Variants in THBS4 observed in about 807,000 individuals in gnomAD.
The protein encoded by THBS4 is thrombospondin-4.
Under a neutral mutation model 115.7 loss-of-function variants are expected in THBS4, and 90 were observed. The observed-to-expected ratio is 0.78, with a 90% CI of 0.66 to 0.93. THBS4 has a LOEUF of 0.93. Ranked by LOEUF, THBS4 falls within the 40% of genes least tolerant of loss-of-function variation. The pLI is 0.00. For synonymous variants in THBS4, 460 were observed against 479.3 expected (o/e 0.96, Z 0.53); for missense variants, 1,087 against 1,232.7 (o/e 0.88, Z 1.77).
intron 2 of THBS4, among the ~76,000 whole-genome samples, chr5:80,006,447 C>A (rs1372939658): frequency 1.3e-5 from 2 of 152,150 alleles, no homozygotes; most frequent in Non-Finnish European, 2.9e-5. Context: ...CTCCTTTTTG[C>A]CTTCTGCCAT....
At chr5:80,028,705 C>T (rs143969189) in intron 2 of THBS4, among the ~76,000 whole-genome samples, 99 of 152,186 alleles carry the variant, frequency 6.5e-4, no homozygotes, top group African/African-American at 2.2e-3. Flanking sequence ...GTGATCCACC[C>T]ATCTCGGCCT....
intron 2 of THBS4, among the ~76,000 whole-genome samples, chr5:80,047,633 A>ATAT (rs745337878): frequency 1.8e-4 from 18 of 102,436 alleles, no homozygotes; most frequent in Non-Finnish European, 2.9e-4. Flanking sequence ...AAAATTAAGA[A>ATAT]TTTTTTTTTT....
At position 80,040,262 on chromosome 5, in the gene THBS4, A is replaced by G; in HGVS notation, c.274A>G (p.Met92Val). The G allele has an allele frequency of 1.9e-6, 3 of 1,613,626 alleles. No homozygotes were observed. Among genetic ancestry groups the G allele is most frequent in the Non-Finnish European group, 2.5e-6 (3 of 1,179,692 alleles). ...DNSKYFEFTV[M>V]GRLNKAILRY... Reference sequence around the variant, plus strand: ...CAGTAAATATTTTGAATTTACTGTGATGGGACGCTTAAACAAAGGTAAGCA... The same window carrying G: ...CAGTAAATATTTTGAATTTACTGTGGTGGGACGCTTAAACAAAGGTAAGCA... The change falls in exon 2 of 22, where the codon ATG becomes GTG. Residue 92 changes from methionine to valine, a missense_variant. Met to Val is a conservative substitution (Grantham distance 21). Around this residue, in one of 3 missense-constraint regions of THBS4, gnomAD observed 979 missense variants for 1,103.7 expected, o/e 0.89. Transcript: ENST00000350881.
intron 2 of THBS4, among the ~76,000 whole-genome samples, chr5:80,015,541 A>G (rs1832229449): frequency 6.6e-6 from 1 of 152,202 alleles, no homozygotes; most frequent in African/African-American, 2.4e-5. Flanking sequence ...GCCGATCCCT[A>G]TGCCTTTTGG....
Position 80,078,113 on chromosome 5 carries a change from C to A in THBS4, c.2151C>A (p.Asp717Glu). 6.2e-7 allele frequency: 1 copy of A among 1,611,754 alleles called. No individual in the cohort carries two copies. Among genetic ancestry groups the A allele is most frequent in the Non-Finnish European group, 8.5e-7 (1 of 1,178,514 alleles). Residue 717 changes from aspartate (D) to glutamate (E), a missense_variant, in exon 17 of 22, where the codon GAC becomes GAA. Coordinates refer to ENST00000350881, the MANE Select transcript of THBS4 (RefSeq NM_003248.6). ...AGGACCAGGTCATCGATCGGATCGACGTCTGCCCAGAGAACGCAGAGGTCA... is the reference window on the plus strand; with the variant it reads ...AGGACCAGGTCATCGATCGGATCGAAGTCTGCCCAGAGAACGCAGAGGTCA... ...FDQDQVIDRI[D>E]VCPENAEVTL... is the part of the protein sequence containing the mutation.
chr5:80,005,830 G>A (rs1054869589), intron 2 of THBS4, among the ~76,000 whole-genome samples: 15 of 145,784 alleles, frequency 1.0e-4, no homozygotes, highest in Admixed American at 4.2e-4. Context: ...GCAGTGGCGC[G>A]ATCTCGGCTC....
chr5:80,063,980 C>G (rs892062603), intron 8 of THBS4, among the ~76,000 whole-genome samples: 1 of 152,136 alleles, frequency 6.6e-6, no homozygotes, highest in Non-Finnish European at 1.5e-5. Context: ...GTAACAGGGA[C>G]CTGGCTTTTA....
rs147811053 is a variant in THBS4 at position 80,077,187 on chromosome 5, C to T, written c.2086+139C>T. The T allele has an allele frequency of 7.6e-4, 595 of 783,828 alleles. 2 individuals carry two copies. The African/African-American group carries it at 9.2e-3, about 12-fold the overall frequency. 48.6% of individuals were successfully genotyped at this position (783,828 alleles called of 1,614,324 possible). A position where few individuals can be genotyped will look rare whatever the true frequency, so the allele number is the denominator to read the frequency against. On this transcript the variant is annotated intron_variant, in intron 16 of 21. Transcript: ENST00000350881. Reference sequence around the variant, plus strand: ...TGCTTCTCTACACCCAGCTTCTCTGCATAGCTGCAGCTTGTGTGGACAGCA... The same window carrying T: ...TGCTTCTCTACACCCAGCTTCTCTGTATAGCTGCAGCTTGTGTGGACAGCA...
chr5:80,083,263 A>C lies in THBS4; in HGVS notation c.*122A>C. 1.2e-6 allele frequency: 1 copy of C among 867,306 alleles called. No homozygotes were observed. Among genetic ancestry groups the C allele is most frequent in the South Asian group, 1.5e-5 (1 of 66,788 alleles). The allele number at this position is 867,306 out of a possible 1,614,324, so 53.7% of individuals were successfully genotyped here. A position where few individuals can be genotyped will look rare whatever the true frequency, so the allele number is the denominator to read the frequency against. ...AACGTTTTATGTGAATGTGGCAATAAAGGAGAAGAGATCATTTTTAAAAAC... is the reference window on the plus strand; with the variant it reads ...AACGTTTTATGTGAATGTGGCAATACAGGAGAAGAGATCATTTTTAAAAAC... On this transcript the variant is annotated 3_prime_UTR_variant, in exon 22 of 22. Transcript: ENST00000350881.
intron 1 of THBS4, among the ~76,000 whole-genome samples, chr5:80,036,657 AT>A (rs1832728800): frequency 6.6e-6 from 1 of 152,208 alleles, no homozygotes; most frequent in African/African-American, 2.4e-5. Flanking sequence ...GTTAAACAGA[AT>A]TTTTTGTAAA....
At chr5:80,024,671 A>G (rs2151159803) in intron 2 of THBS4, among the ~76,000 whole-genome samples, 1 of 152,314 alleles carries the variant, frequency 6.6e-6, no homozygotes, top group African/African-American at 2.4e-5. Context: ...CATGCTGGTG[A>G]CCACAACCAT....
At chr5:80,058,150 C>T (rs932032835) in intron 3 of THBS4, 56 bp from the exon 4 acceptor site, 3 of 1,359,580 alleles carry the variant, frequency 2.2e-6, no homozygotes, top group African/African-American at 2.9e-5. Context: ...AGTAGGCAAG[C>T]ACATTGGCTT....
chr5:80,059,384 C>T (rs1002212847), intron 5 of THBS4, 56 bp from the exon 6 acceptor site: 1 of 1,527,686 alleles, frequency 6.5e-7, no homozygotes. Context: ...TCTTTCATTC[C>T]TGGATGATAT....
Position 80,073,255 on chromosome 5 carries a change from A to T in THBS4, c.1840-20A>T, listed in dbSNP as rs751829998. ...ACATGCAGGCCCAGGAATAAATAACATGTGCTGTTCTCTTTGCAGTCTGAT... is the reference window on the plus strand; with the variant it reads ...ACATGCAGGCCCAGGAATAAATAACTTGTGCTGTTCTCTTTGCAGTCTGAT... On this transcript the variant is annotated intron_variant, in intron 14 of 21. Coordinates refer to ENST00000350881, the MANE Select transcript of THBS4 (RefSeq NM_003248.6). The T allele has an allele frequency of 1.2e-6, 2 of 1,613,360 alleles. No homozygotes were observed. The highest frequency in any genetic ancestry group is 3.3e-5 in the Admixed American group (2 of 60,028).
intron 2 of THBS4, among the ~76,000 whole-genome samples, chr5:80,018,389 C>CTTTT (rs35373315): frequency 2.6e-4 from 26 of 99,968 alleles, no homozygotes; most frequent in African/African-American, 8.6e-4. Context: ...TTCAAATATA[C>CTTTT]TTTTTTTTTT....
At position 80,008,264 on chromosome 5, in the gene THBS4, A is replaced by T. The variant is rs140214655; in HGVS notation, n.177+9837A>T. 1.6e-4 allele frequency among the ~76,000 whole-genome samples: 25 copies of T among 152,370 alleles called. 1 individual carries two copies. The highest frequency in any genetic ancestry group is 5.5e-4 in the African/African-American group (23 of 41,590). On this transcript the variant is annotated intron_variant and non_coding_transcript_variant, in intron 2 of 3. Coordinates refer to the THBS4 transcript ENST00000510218. ...AGATGTAAATGTGGGTCTACCAGTG[A>T]GAAACTAAGGCAAATGTCTCCATCT...
chr5:80,002,626 GGA>G (rs1162059854), intron 2 of THBS4, among the ~76,000 whole-genome samples: 1 of 151,684 alleles, frequency 6.6e-6, no homozygotes, highest in East Asian at 1.9e-4. Flanking sequence ...CAGAGTGCAG[GGA>G]GAGAGAGCAT....
rs148589675 is a variant in THBS4, at chr5:80,072,328, C to T, written c.1771C>T (p.Arg591Trp). 3.1e-4 allele frequency: 500 copies of T among 1,614,002 alleles called. No individual in the cohort carries two copies. Among genetic ancestry groups the T allele is most frequent in the Non-Finnish European group, 3.7e-4 (432 of 1,180,004 alleles). Reference sequence around the variant, plus strand: ...CCCAAAATTTCCCAATCGTGACCAACGGGACAAGGATGGTGATGGTGTGGG... The same window carrying T: ...CCCAAAATTTCCCAATCGTGACCAATGGGACAAGGATGGTGATGGTGTGGG... The part of the protein sequence containing the change: ...NCPKFPNRDQ[R>W]DKDGDGVGDA... The change falls in exon 14 of 22, where the codon CGG (arginine) becomes TGG (tryptophan). Residue 591 changes from arginine to tryptophan, a missense_variant. Coordinates refer to ENST00000350881, the MANE Select transcript of THBS4 (RefSeq NM_003248.6).
chr5:80,021,565 G>A (rs1832376317), intron 2 of THBS4, among the ~76,000 whole-genome samples: 2 of 151,804 alleles, frequency 1.3e-5, no homozygotes, highest in Admixed American at 1.3e-4. Context: ...GGAGTGTCGT[G>A]GTACAGTCGT....
Sources: allele counts gnomAD v4.1 joint callset (sites outside exome capture counted in the v4.1 genomes callset), GRCh38; gene constraint gnomAD v4.1.1; regional missense constraint gnomAD v4.1.1; transcripts MANE v1.5; gene names NCBI Gene and HGNC (gene_info 2026-07-23, HGNC 2026-07-21).